FSTL4: variants seen among roughly 807,000 people sequenced by gnomAD.
FSTL4 encodes follistatin-related protein 4.
A neutral mutation model predicts 78.2 loss-of-function variants in FSTL4; 28 were observed. That is an observed-to-expected ratio of 0.36 (90% CI 0.27 to 0.49). The LOEUF (loss-of-function observed/expected upper bound fraction) is 0.49, where lower values mean the gene tolerates loss of function less well. FSTL4 is among the 20% of genes least tolerant of loss of function. FSTL4 has a pLI of 0.98. For synonymous variants in FSTL4, 422 were observed against 440.5 expected, an observed-to-expected ratio of 0.96 and a Z score of 0.53; for missense variants, 922 against 1,084.9, an observed-to-expected ratio of 0.85 and a Z score of 2.11.
chr5:133,698,833 C>T, the FSTL4 span, among the ~76,000 whole-genome samples: 1 of 152,224 alleles, frequency 6.6e-6, no homozygotes, highest in African/African-American at 2.4e-5. Flanking sequence ...AACGAGACCT[C>T]GGGAGGCCGG....
chr5:133,616,593 G>C (rs1407560976), upstream of FSTL4, among the ~76,000 whole-genome samples: 1 of 151,752 alleles, frequency 6.6e-6, no homozygotes, highest in Non-Finnish European at 1.5e-5. Flanking sequence ...GTAGAGACGG[G>C]GTCTCCCTAT....
chr5:133,834,123 A>G, the FSTL4 span, among the ~76,000 whole-genome samples: 3 of 152,190 alleles, frequency 2.0e-5, no homozygotes, highest in Non-Finnish European at 1.5e-5. Context: ...ATCAAGAACC[A>G]TTTTCCATCT....
chr5:133,277,615 T>C (rs1047522757), intron 6 of FSTL4, among the ~76,000 whole-genome samples: 3 of 152,160 alleles, frequency 2.0e-5, no homozygotes, highest in South Asian at 2.1e-4. Context: ...TCAGCTTCCT[T>C]CTCTCTGCCC....
At chr5:133,250,185 T>A (rs1752176670) in intron 6 of FSTL4, among the ~76,000 whole-genome samples, 1 of 152,264 alleles carries the variant, frequency 6.6e-6, no homozygotes, top group Non-Finnish European at 1.5e-5. Context: ...CTGCAGAAAC[T>A]ATTAATCCTT....
intron 6 of FSTL4, among the ~76,000 whole-genome samples, chr5:133,275,312 C>G (rs1321545515): frequency 6.6e-6 from 1 of 152,034 alleles, no homozygotes; most frequent in African/African-American, 2.4e-5. Context: ...ATAATCCCAG[C>G]ACTTTGGGAG....
chr5:133,364,556 G>A (rs1203389959), intron 4 of FSTL4, among the ~76,000 whole-genome samples: 1 of 152,202 alleles, frequency 6.6e-6, no homozygotes, highest in Non-Finnish European at 1.5e-5. Context: ...AGCAACGTTT[G>A]GGAAATTGTG....
At chr5:133,259,550 G>C (rs901851701) in intron 6 of FSTL4, among the ~76,000 whole-genome samples, 6 of 136,832 alleles carry the variant, frequency 4.4e-5, no homozygotes, top group Admixed American at 2.5e-4. Flanking sequence ...GAGGAGTCTC[G>C]CTCTGTCACC....
intron 3 of FSTL4, among the ~76,000 whole-genome samples, chr5:133,462,867 T>C (rs139863122): frequency 6.6e-6 from 1 of 152,294 alleles, no homozygotes; most frequent in African/African-American, 2.4e-5. Context: ...GTTTGGGGCT[T>C]TCTGTAACCT....
chr5:133,732,954 C>A, the FSTL4 span, among the ~76,000 whole-genome samples: 1 of 152,216 alleles, frequency 6.6e-6, no homozygotes, highest in Admixed American at 6.5e-5. Flanking sequence ...ACCCCTCATG[C>A]CACACATGGC....
At chr5:133,508,468 CA>C (rs1758658127) in intron 3 of FSTL4, among the ~76,000 whole-genome samples, 1 of 152,184 alleles carries the variant, frequency 6.6e-6, no homozygotes, top group South Asian at 2.1e-4. Flanking sequence ...TTGCCACAAA[CA>C]CGTGAATAAG....
chr5:133,829,813 CAAGGT>C, the FSTL4 span, among the ~76,000 whole-genome samples: 3 of 152,188 alleles, frequency 2.0e-5, no homozygotes, highest in Non-Finnish European at 4.4e-5. Context: ...TCCCCAGAGA[CAAGGT>C]CTCTGGGGTT....
At chr5:133,638,657 C>T in the FSTL4 span, among the ~76,000 whole-genome samples, 1 of 152,160 alleles carries the variant, frequency 6.6e-6, no homozygotes, top group Non-Finnish European at 1.5e-5. Flanking sequence ...TTACCTGTTG[C>T]CTTTCCCTGC....
intron 4 of FSTL4, among the ~76,000 whole-genome samples, chr5:133,325,336 T>TG (rs965132203): frequency 6.6e-6 from 1 of 152,150 alleles, no homozygotes; most frequent in Non-Finnish European, 1.5e-5. Context: ...AGGCAGAATG[T>TG]GGGGTCAAGG....
chr5:133,442,780 A>T (rs1306378756), intron 3 of FSTL4, among the ~76,000 whole-genome samples: 6 of 152,216 alleles, frequency 3.9e-5, no homozygotes, highest in Non-Finnish European at 8.8e-5. Flanking sequence ...CAGCAAAACA[A>T]AAACCACTCA....
At chr5:133,566,113 G>A (rs1277982815) in intron 3 of FSTL4, among the ~76,000 whole-genome samples, 2 of 152,212 alleles carry the variant, frequency 1.3e-5, no homozygotes, top group Admixed American at 6.5e-5. Flanking sequence ...AAATGGGAAT[G>A]TAAGCCAGAA....
At chr5:133,676,895 T>C in the FSTL4 span, among the ~76,000 whole-genome samples, 1 of 152,212 alleles carries the variant, frequency 6.6e-6, no homozygotes, top group Non-Finnish European at 1.5e-5. Flanking sequence ...ATAGTTTAAA[T>C]TACTCTGAGT....
chr5:133,647,723 C>G, the FSTL4 span, among the ~76,000 whole-genome samples: 1 of 152,132 alleles, frequency 6.6e-6, no homozygotes, highest in East Asian at 1.9e-4. Flanking sequence ...GTCTCTTTAC[C>G]CTTCTTAGGG....
intron 3 of FSTL4, among the ~76,000 whole-genome samples, chr5:133,538,282 A>G (rs1371469846): frequency 6.6e-6 from 1 of 152,168 alleles, no homozygotes; most frequent in African/African-American, 2.4e-5. Flanking sequence ...ATGTCCCTCA[A>G]CATGGATTTG....
chr5:133,635,249 A>T, the FSTL4 span, among the ~76,000 whole-genome samples: 1 of 152,116 alleles, frequency 6.6e-6, no homozygotes, highest in African/African-American at 2.4e-5. Flanking sequence ...TGAGGATCAG[A>T]CTCCACAGGG....
Sources: allele counts gnomAD v4.1 joint callset (sites outside exome capture counted in the v4.1 genomes callset), GRCh38; gene constraint gnomAD v4.1.1; transcripts MANE v1.5; gene names NCBI Gene and HGNC (gene_info 2026-07-23, HGNC 2026-07-21).